SLC35F3: variants seen among roughly 807,000 people sequenced by gnomAD.
SLC35F3 encodes the protein putative thiamine transporter SLC35F3.
SLC35F3 carries 25 observed loss-of-function variants against 49.9 expected under a neutral mutation model. The observed-to-expected ratio is 0.50, with a 90% CI of 0.37 to 0.70. SLC35F3 has a LOEUF of 0.70. SLC35F3 is among the 30% of genes least tolerant of loss of function. The pLI is 0.00. For synonymous variants in SLC35F3, 275 were observed against 265.4 expected (o/e 1.04, Z -0.35); for missense variants, 525 against 639.8 (o/e 0.82, Z 1.94).
chr1:233,940,461 C>T (rs1356063495), intron 2 of SLC35F3, among the ~76,000 whole-genome samples: 1 of 152,006 alleles, frequency 6.6e-6, no homozygotes, highest in African/African-American at 2.4e-5. Flanking sequence ...TCTGCTCTTT[C>T]CTTAGTAGGT....
At chr1:233,951,864 G>T (rs1258519566) in intron 2 of SLC35F3, among the ~76,000 whole-genome samples, 1 of 151,988 alleles carries the variant, frequency 6.6e-6, no homozygotes, top group African/African-American at 2.4e-5. Context: ...GAACCACCAT[G>T]CCCAGCTATC....
intron 3 of SLC35F3, among the ~76,000 whole-genome samples, chr1:234,300,438 C>A (rs2102990028): frequency 6.6e-6 from 1 of 152,260 alleles, no homozygotes; most frequent in Admixed American, 6.5e-5. Context: ...CTCTGGTCCT[C>A]CATAAAGGAG....
At chr1:233,936,664 C>T (rs1490495398) in intron 2 of SLC35F3, among the ~76,000 whole-genome samples, 1 of 151,418 alleles carries the variant, frequency 6.6e-6, no homozygotes, top group African/African-American at 2.4e-5. Flanking sequence ...TCCTTTCTTC[C>T]CCTTCTTCTT....
chr1:234,169,807 T>G (rs560830665), intron 2 of SLC35F3, among the ~76,000 whole-genome samples: 23 of 152,136 alleles, frequency 1.5e-4, no homozygotes, highest in African/African-American at 5.3e-4. Flanking sequence ...TCACTCTGTC[T>G]CCCAGGCTGG....
intron 2 of SLC35F3, among the ~76,000 whole-genome samples, chr1:234,031,172 C>T (rs747700235): frequency 2.0e-5 from 3 of 152,224 alleles, no homozygotes; most frequent in African/African-American, 4.8e-5. Flanking sequence ...TTCTGACAAG[C>T]GCACCCACTT....
intron 2 of SLC35F3, among the ~76,000 whole-genome samples, chr1:234,043,176 C>T (rs1426359809): frequency 2.0e-5 from 3 of 152,192 alleles, no homozygotes; most frequent in Non-Finnish European, 4.4e-5. Context: ...TCTCCTCCCC[C>T]TCCTCAGAGT....
chr1:233,908,225 A>G (rs1035654055), intron 2 of SLC35F3, among the ~76,000 whole-genome samples: 3 of 152,130 alleles, frequency 2.0e-5, no homozygotes, highest in African/African-American at 7.2e-5. Flanking sequence ...CATGATCTCC[A>G]GAGTGAGTTA....
rs115405137 is a variant in SLC35F3, at chr1:234,183,438, G to A, written c.284-47979G>A. Among the ~76,000 whole-genome samples the A allele has an allele frequency of 6.5e-3, 928 of 142,770 alleles. 36 individuals carry two copies. Among genetic ancestry groups the A allele is most frequent in the African/African-American group, 0.021 (853 of 41,174 alleles). 93.7% of individuals were successfully genotyped at this position (142,770 alleles called of 152,430 possible). A position where few individuals can be genotyped will look rare whatever the true frequency, so the allele number is the denominator to read the frequency against. ...GAAAATGCATATGGTTGTTTTTTAC[G>A]TATGTAAATATTTCAGAGTGATGTA... On this transcript the variant is annotated intron_variant, in intron 2 of 7. Transcript: ENST00000366618.
intron 2 of SLC35F3, among the ~76,000 whole-genome samples, chr1:233,924,118 G>A (rs1296667591): frequency 1.3e-5 from 2 of 152,206 alleles, no homozygotes; most frequent in East Asian, 1.9e-4. Flanking sequence ...TTTTTGTTGT[G>A]TCTCTGCCAG....
chr1:234,080,110 A>G (rs1057181734), intron 2 of SLC35F3, among the ~76,000 whole-genome samples: 1 of 152,166 alleles, frequency 6.6e-6, no homozygotes, highest in African/African-American at 2.4e-5. Flanking sequence ...CCCGACCTCC[A>G]GGGAGAGGAG....
intron 4 of SLC35F3, among the ~76,000 whole-genome samples, chr1:234,312,551 G>A (rs1327090908): frequency 2.0e-5 from 3 of 152,162 alleles, no homozygotes; most frequent in African/African-American, 7.2e-5. Context: ...GCCCAGCATG[G>A]GGGAAGACAC....
intron 2 of SLC35F3, among the ~76,000 whole-genome samples, chr1:233,975,949 G>T (rs917139887): frequency 3.9e-5 from 6 of 152,186 alleles, no homozygotes; most frequent in African/African-American, 1.4e-4. Flanking sequence ...TTATATGTGC[G>T]TGAGTTAGAG....
intron 2 of SLC35F3, among the ~76,000 whole-genome samples, chr1:233,910,194 A>G (rs1409914636): frequency 6.6e-6 from 1 of 152,240 alleles, no homozygotes; most frequent in Non-Finnish European, 1.5e-5. Flanking sequence ...ACTGATTAGA[A>G]TATCTTCTGC....
chr1:234,010,677 G>A (rs1022844915), intron 2 of SLC35F3, among the ~76,000 whole-genome samples: 1 of 152,044 alleles, frequency 6.6e-6, no homozygotes, highest in Non-Finnish European at 1.5e-5. Flanking sequence ...TAACATTGCA[G>A]TCTATCTCTT....
rs114224108 is a variant in SLC35F3, at chr1:234,241,962, T to C, written c.608+10221T>C. On this transcript the variant is annotated intron_variant, in intron 3 of 7. Coordinates refer to ENST00000366618, the MANE Select transcript of SLC35F3 (RefSeq NM_173508.4). ...GCCTTTCTGCACATGCCATATTTCT[T>C]TGGGTAATAATCCATTTCTAATTGA... Among the ~76,000 whole-genome samples, 472 of 152,296 alleles carry C rather than the reference T, an allele frequency of 3.1e-3. 3 individuals carry two copies. Among genetic ancestry groups the C allele is most frequent in the African/African-American group, 0.011 (453 of 41,566 alleles).
At chr1:234,267,215 G>T (rs1455965056) in intron 3 of SLC35F3, among the ~76,000 whole-genome samples, 47 of 123,872 alleles carry the variant, frequency 3.8e-4, no homozygotes, top group African/African-American at 1.5e-3. Context: ...AGATCAACAG[G>T]ATCCCAAGGC....
At chr1:233,925,814 G>A (rs182913858) in intron 2 of SLC35F3, among the ~76,000 whole-genome samples, 1 of 152,128 alleles carries the variant, frequency 6.6e-6, no homozygotes, top group Non-Finnish European at 1.5e-5. Context: ...AGGAGCTCTT[G>A]TAAGGCAGGC....
At chr1:234,267,085 G>A (rs577201971) in intron 3 of SLC35F3, among the ~76,000 whole-genome samples, 1 of 142,094 alleles carries the variant, frequency 7.0e-6, no homozygotes, top group Non-Finnish European at 1.5e-5. Flanking sequence ...TGACTCTTAA[G>A]GAGCATGCTG....
intron 2 of SLC35F3, among the ~76,000 whole-genome samples, chr1:233,925,119 G>C (rs537107265): frequency 3.0e-4 from 45 of 152,186 alleles, no homozygotes; most frequent in Non-Finnish European, 5.0e-4. Flanking sequence ...GTTGATTTGG[G>C]GTGGAGGGTT....
Sources: gnomAD v4.1 joint callset for allele counts (sites outside exome capture counted in the v4.1 genomes callset) on GRCh38, gnomAD v4.1.1 for gene constraint, MANE v1.5 for transcripts, NCBI Gene and HGNC (gene_info 2026-07-23, HGNC 2026-07-21) for gene names.